Variants in ADCY2 observed in about 807,000 individuals in gnomAD.
The protein encoded by ADCY2 is adenylate cyclase type 2.
Under a neutral mutation model 125.2 loss-of-function variants are expected in ADCY2, and 31 were observed. The ratio of observed to expected loss-of-function variants is 0.25; its 90% CI spans 0.19 to 0.33. The LOEUF is 0.33. ADCY2 is among the 10% of genes least tolerant of loss of function. The pLI is 1.00. For missense variants in ADCY2, 904 were observed against 1,418.2 expected, an observed-to-expected ratio of 0.64 and a Z score of 5.82; for synonymous variants, 512 against 548.4, an observed-to-expected ratio of 0.93 and a Z score of 0.93.
intron 4 of ADCY2, among the ~76,000 whole-genome samples, chr5:7,675,432 C>T (rs1315555282): frequency 6.6e-6 from 1 of 152,130 alleles, no homozygotes; most frequent in African/African-American, 2.4e-5. Context: ...ACTGGGATGA[C>T]CAATGTAAGT....
chr5:7,792,021 C>T (rs538383944), intron 20 of ADCY2, among the ~76,000 whole-genome samples: 1 of 151,976 alleles, frequency 6.6e-6, no homozygotes, highest in South Asian at 2.1e-4. Flanking sequence ...CAGGAAAGTG[C>T]CTAATTCAAG....
chr5:7,487,177 T>C (rs1742966094), intron 2 of ADCY2, among the ~76,000 whole-genome samples: 2 of 152,230 alleles, frequency 1.3e-5, no homozygotes, highest in Non-Finnish European at 2.9e-5. Context: ...TGTCCACCCA[T>C]GCTGGATCTC....
chr5:7,665,416 A>T (rs1739679586), intron 4 of ADCY2, among the ~76,000 whole-genome samples: 1 of 152,036 alleles, frequency 6.6e-6, no homozygotes, highest in Non-Finnish European at 1.5e-5. Flanking sequence ...CACCCCAAAC[A>T]CGCACCCCAC....
chr5:7,548,309 T>A (rs190411624), intron 3 of ADCY2, among the ~76,000 whole-genome samples: 1 of 151,894 alleles, frequency 6.6e-6, no homozygotes, highest in Admixed American at 6.6e-5. Context: ...AAATATATTT[T>A]TATATATTAC....
At chr5:7,570,380 CT>C (rs1375014024) in intron 3 of ADCY2, among the ~76,000 whole-genome samples, 1 of 151,954 alleles carries the variant, frequency 6.6e-6, no homozygotes, top group Non-Finnish European at 1.5e-5. Flanking sequence ...GTTTAAAAAC[CT>C]TTTTTTCTTC....
chr5:7,449,765 T>G (rs999754485), intron 2 of ADCY2, among the ~76,000 whole-genome samples: 1 of 152,214 alleles, frequency 6.6e-6, no homozygotes, highest in African/African-American at 2.4e-5. Flanking sequence ...GGCAACCCTG[T>G]GTCAACAAAG....
intron 3 of ADCY2, among the ~76,000 whole-genome samples, chr5:7,530,343 T>G (rs1734599191): frequency 6.6e-6 from 1 of 152,154 alleles, no homozygotes; most frequent in Non-Finnish European, 1.5e-5. Flanking sequence ...ACCTATGAAT[T>G]GAGTAAGGCA....
intron 2 of ADCY2, among the ~76,000 whole-genome samples, chr5:7,423,734 C>G (rs1322545831): frequency 6.6e-6 from 1 of 152,058 alleles, no homozygotes; most frequent in Non-Finnish European, 1.5e-5. Flanking sequence ...GAGGATTTAC[C>G]CTAACCCTCA....
At chr5:7,787,941 C>T (rs1331112181) in intron 19 of ADCY2, among the ~76,000 whole-genome samples, 2 of 152,154 alleles carry the variant, frequency 1.3e-5, no homozygotes, top group Admixed American at 6.6e-5. Context: ...TCATCTCATG[C>T]TTCACTTTTG....
At chr5:7,544,744 G>A (rs1735098386) in intron 3 of ADCY2, among the ~76,000 whole-genome samples, 1 of 152,180 alleles carries the variant, frequency 6.6e-6, no homozygotes, top group Non-Finnish European at 1.5e-5. Flanking sequence ...ACACCCTCCT[G>A]GGAGGAGAGG....
chr5:7,558,897 A>T (rs1388898888), intron 3 of ADCY2, among the ~76,000 whole-genome samples: 1 of 151,696 alleles, frequency 6.6e-6, no homozygotes, highest in African/African-American at 2.4e-5. Context: ...AATCTTCTGC[A>T]TATGGCTAGC....
intron 2 of ADCY2, among the ~76,000 whole-genome samples, chr5:7,482,646 A>G (rs796897944): frequency 4.6e-5 from 7 of 152,044 alleles, no homozygotes; most frequent in African/African-American, 1.2e-4. Flanking sequence ...ATCCAAGGAA[A>G]AGAAATCCTT....
Position 7,614,059 on chromosome 5 carries a change from A to G in ADCY2, c.571-12108A>G, listed in dbSNP as rs537396690. On this transcript the variant is annotated intron_variant, in intron 3 of 24. Transcript: ENST00000338316. Reference sequence around the variant, plus strand: ...AACTCTAAATTTGACCAGTTTGAGCAATCAATAATGCATCTTTAATTTACT... The same window carrying G: ...AACTCTAAATTTGACCAGTTTGAGCGATCAATAATGCATCTTTAATTTACT... Among the ~76,000 whole-genome samples, 11 of 152,348 alleles carry G rather than the reference A, an allele frequency of 7.2e-5. No individual in the cohort carries two copies. In the South Asian group the frequency reaches 2.3e-3, roughly 32 times the overall value.
intron 7 of ADCY2, among the ~76,000 whole-genome samples, chr5:7,705,143 T>C (rs1454878304): frequency 6.6e-6 from 1 of 152,218 alleles, no homozygotes; most frequent in Non-Finnish European, 1.5e-5. Flanking sequence ...AGAACAATTA[T>C]GGGTTCTCTA....
chr5:7,400,158 C>A (rs1243876326), intron 1 of ADCY2, among the ~76,000 whole-genome samples: 1 of 151,932 alleles, frequency 6.6e-6, no homozygotes, highest in Non-Finnish European at 1.5e-5. Context: ...TTGGCTAAAA[C>A]TTATGATTAG....
chr5:7,714,455 G>T (rs1276758874), intron 11 of ADCY2, among the ~76,000 whole-genome samples: 1 of 152,218 alleles, frequency 6.6e-6, no homozygotes, highest in African/African-American at 2.4e-5. Context: ...GTTTTTATTT[G>T]CACTAGGCTA....
chr5:7,712,721 A>C, intron 10 of ADCY2, 135 bp from the exon 11 acceptor site: 1 of 664,734 alleles, frequency 1.5e-6, no homozygotes, highest in East Asian at 2.8e-5. Flanking sequence ...CTTTTTCTCC[A>C]CATGAGTAAT....
intron 24 of ADCY2, 49 bp downstream of exon 24, chr5:7,820,738 C>T: frequency 6.4e-7 from 1 of 1,566,128 alleles, no homozygotes; most frequent in Non-Finnish European, 8.6e-7. Flanking sequence ...TGTCTGTTCT[C>T]TTGGGAACCA....
At chr5:7,482,124 A>C (rs976583508) in intron 2 of ADCY2, among the ~76,000 whole-genome samples, 7 of 152,144 alleles carry the variant, frequency 4.6e-5, no homozygotes, top group Admixed American at 4.6e-4. Flanking sequence ...AAAAGTATTG[A>C]TCTGGGGTTA....
Sources: gnomAD v4.1 joint callset for allele counts (sites outside exome capture counted in the v4.1 genomes callset) on GRCh38, gnomAD v4.1.1 for gene constraint, MANE v1.5 for transcripts, NCBI Gene and HGNC (gene_info 2026-07-23, HGNC 2026-07-21) for gene names.